Variants in CDCA7 observed in about 807,000 individuals in gnomAD.
The protein encoded by CDCA7 is cell division cycle-associated protein 7.
Under a neutral mutation model 54.0 loss-of-function variants are expected in CDCA7, and 28 were observed. The observed-to-expected ratio is 0.52, with a 90% CI of 0.38 to 0.71. The LOEUF (loss-of-function observed/expected upper bound fraction) is 0.71. CDCA7 is among the 30% of genes least tolerant of loss of function. The probability of loss-of-function intolerance (pLI) is 0.00; values close to 1 mark genes in which losing one functional copy is unlikely to be tolerated. For synonymous variants in CDCA7, 180 were observed against 208.2 expected (o/e 0.86, Z 1.16); for missense variants, 484 against 586.0 (o/e 0.83, Z 1.80).
chr2:173,363,570 A>G, intron 4 of CDCA7, 108 bp downstream of exon 4: 2 of 1,174,220 alleles, frequency 1.7e-6, no homozygotes, highest in Non-Finnish European at 2.4e-6. Flanking sequence ...ATGAATAAAA[A>G]GTTATTTTTG....
chr2:173,364,209 C>A (rs1032958385), intron 5 of CDCA7: 2 of 241,162 alleles, frequency 8.3e-6, no homozygotes, highest in Non-Finnish European at 1.6e-5. Context: ...TGAGCACATT[C>A]CTCCTACATG....
intron 1 of CDCA7, among the ~76,000 whole-genome samples, chr2:173,355,302 G>T (rs1686475471): frequency 6.6e-6 from 1 of 152,220 alleles, no homozygotes; most frequent in African/African-American, 2.4e-5. Flanking sequence ...GCGCTGGCCG[G>T]TCCCGATTTT....
chr2:173,365,580 T>C lies in CDCA7; in HGVS notation c.1023T>C (p.Tyr341=), dbSNP rs893991386. The change falls in exon 7 of 10, where the codon TAT becomes TAC. Residue 341 remains tyrosine, a synonymous_variant. Transcript: ENST00000306721. ...GCAGCAATTCTCGAGAGAAGATATA[T>C]AACCGTTCACTGGTGAGAGCCTCTA... is the stretch of plus-strand genomic sequence containing the variant. ...NVCSNSREKI[Y]NRSLGSTCHQ... 1.2e-6 allele frequency: 2 copies of C among 1,613,920 alleles called. No homozygotes were observed. The highest frequency in any genetic ancestry group is 2.2e-5 in the East Asian group (1 of 44,884).
intron 1 of CDCA7, 122 bp downstream of exon 1, chr2:173,355,106 G>C: frequency 8.9e-7 from 1 of 1,125,424 alleles, no homozygotes. Context: ...CTGCCTAGGC[G>C]TTGCCCGCTT....
rs773884301 is a variant in CDCA7, at chr2:173,363,432, G to A, written c.591G>A (p.Arg197=). 44 of 1,613,946 alleles carry A rather than the reference G, an allele frequency of 2.7e-5. No individual in the cohort carries two copies. The East Asian group carries it at 9.6e-4, about 35-fold the overall frequency. The change falls in exon 4 of 10, where the codon AGG becomes AGA. Residue 197 remains arginine (R), a synonymous_variant. Transcript: ENST00000306721. The part of the protein sequence containing the change: ...DESGMNFLEK[R]ALNIKQNKAM... ...GTGGAATGAATTTTTTGGAGAAAAG[G>A]GCTTTAAATATAAAGCAAAACAAAG...
chr2:173,361,907 C>G (rs1431390916), intron 3 of CDCA7, among the ~76,000 whole-genome samples: 1 of 152,150 alleles, frequency 6.6e-6, no homozygotes, highest in Non-Finnish European at 1.5e-5. Flanking sequence ...ACCTCCGCTT[C>G]CTGGGTTCAA....
chr2:173,365,688 A>G (rs934125196), intron 7 of CDCA7, 96 bp downstream of exon 7: 5 of 1,363,152 alleles, frequency 3.7e-6, no homozygotes, highest in South Asian at 1.5e-5. Flanking sequence ...AGGGCCTAGC[A>G]TGTGAAATCT....
At chr2:173,363,124 A>G (rs1210137939) in intron 3 of CDCA7, 102 bp from the exon 4 acceptor site, 1 of 1,127,908 alleles carries the variant, frequency 8.9e-7, no homozygotes, top group Admixed American at 1.9e-5. Flanking sequence ...TGTTCAGTTA[A>G]AATTCATTTC....
At chr2:173,361,779 A>G (rs62175710) in intron 3 of CDCA7, among the ~76,000 whole-genome samples, 9,260 of 151,530 alleles carry the variant, frequency 0.061, 325 homozygotes, top group East Asian at 0.12. Context: ...TCTACTATGA[A>G]GTGGTGTCTC....
chr2:173,367,569 G>A, intron 9 of CDCA7, 65 bp from the exon 10 acceptor site: 1 of 1,576,554 alleles, frequency 6.3e-7, no homozygotes, highest in Admixed American at 1.7e-5. Context: ...AATGAATTAG[G>A]CTTTCAAAAG....
chr2:173,355,001 C>A lies in CDCA7; in HGVS notation c.21+17C>A. The stretch of plus-strand genomic sequence containing the variant: ...CGCGTGCCGGTGAGGGCTGGGCGGG[C>A]GAACCCGAGGGGCGGGCGCGGTGGG... On this transcript the variant is annotated intron_variant, in intron 1 of 9. Transcript: ENST00000306721. The A allele has an allele frequency of 7.2e-7, 1 of 1,382,762 alleles. No homozygotes were observed. The allele number at this position is 1,382,762 out of a possible 1,614,324, so 85.7% of individuals were successfully genotyped here.
chr2:173,363,491 A>T (rs755370394), intron 4 of CDCA7, 29 bp downstream of exon 4: 1 of 1,589,786 alleles, frequency 6.3e-7, no homozygotes. Context: ...GTTAGAATTA[A>T]TTTTTCCTCT....
At chr2:173,358,151 G>C (rs1025763846) in intron 1 of CDCA7, among the ~76,000 whole-genome samples, 4 of 146,498 alleles carry the variant, frequency 2.7e-5, no homozygotes, top group African/African-American at 7.6e-5. Flanking sequence ...AGTGAGCCGA[G>C]ATCGCGCCAC....
rs922664925 is a variant in CDCA7, at chr2:173,365,676, A to G, written c.1035+84A>G. On this transcript the variant is annotated intron_variant, in intron 7 of 9. Coordinates refer to ENST00000306721, the MANE Select transcript of CDCA7 (RefSeq NM_031942.5). ...TGTCCCTAAGCGTTGCCCAGGTTCT[A>G]AAGGGCCTAGCATGTGAAATCTGTA... is the stretch of plus-strand genomic sequence containing the variant. The G allele has an allele frequency of 4.1e-6, 6 of 1,466,152 alleles. No individual in the cohort carries two copies. The African/African-American group carries it at 7.1e-5, about 17-fold the overall frequency. 90.8% of individuals were successfully genotyped at this position (1,466,152 alleles called of 1,614,324 possible). A position where few individuals can be genotyped will look rare whatever the true frequency, so the allele number is the denominator to read the frequency against.
chr2:173,365,599 G>A lies in CDCA7; in HGVS notation c.1035+7G>A. On this transcript the variant is annotated splice_region_variant and intron_variant, in intron 7 of 9. Coordinates refer to ENST00000306721, the MANE Select transcript of CDCA7 (RefSeq NM_031942.5). ...GATATATAACCGTTCACTGGTGAGAGCCTCTAAATTACACCTGAGAATGTA... is the reference window on the plus strand; with the variant it reads ...GATATATAACCGTTCACTGGTGAGAACCTCTAAATTACACCTGAGAATGTA... 6.2e-7 allele frequency: 1 copy of A among 1,613,344 alleles called. No homozygotes were observed. Among genetic ancestry groups the A allele is most frequent in the Non-Finnish European group, 8.5e-7 (1 of 1,179,720 alleles).
chr2:173,368,155 A>G lies in CDCA7; in HGVS notation c.*491A>G, dbSNP rs1686757424. ...AAATTTTTAATAGAATCAAGGCACA[A>G]AAGTCTTAAAACCATGTGGAAAAAT... On this transcript the variant is annotated 3_prime_UTR_variant, in exon 10 of 10. Transcript: ENST00000306721. 6.4e-6 allele frequency: 1 copy of G among 156,998 alleles called. No homozygotes were observed. The highest frequency in any genetic ancestry group is 1.9e-4 in the South Asian group (1 of 5,130). The allele number at this position is 156,998 out of a possible 1,614,324, so 9.7% of individuals were successfully genotyped here. A position where few individuals can be genotyped will look rare whatever the true frequency, so the allele number is the denominator to read the frequency against.
At position 173,364,824 on chromosome 2, in the gene CDCA7, C is replaced by G; in HGVS notation, c.729C>G (p.Phe243Leu). 1 of 1,610,722 alleles carries G rather than the reference C, an allele frequency of 6.2e-7. No individual in the cohort carries two copies. Among genetic ancestry groups the G allele is most frequent in the Admixed American group, 1.7e-5 (1 of 59,356 alleles). Reference protein sequence around the residue: ...SQSRRPRRRTFPGVASRRNPE... With the variant: ...SQSRRPRRRTLPGVASRRNPE... ...CAAGGAGACCGCGAAGGCGTACATTCCCGGGTGTTGCTTCCAGGAGAAACC... is the reference window on the plus strand; with the variant it reads ...CAAGGAGACCGCGAAGGCGTACATTGCCGGGTGTTGCTTCCAGGAGAAACC... Residue 243 changes from phenylalanine to leucine, a missense_variant, in exon 6 of 10, where the codon TTC becomes TTG. Around this residue, in one of 3 missense-constraint regions of CDCA7, gnomAD observed 398 missense variants for 447.4 expected, o/e 0.89. Transcript: ENST00000306721.
Position 173,363,232 on chromosome 2 carries a change from C to A in CDCA7, c.391C>A (p.Gln131Lys), listed in dbSNP as rs757886905. Residue 131 changes from glutamine (Q) to lysine (K), a missense_variant, in exon 4 of 10, where the codon CAG (glutamine) becomes AAG (lysine). This residue lies in a region of CDCA7 where 398 missense variants were observed against 447.4 expected (regional missense o/e 0.89). Coordinates refer to ENST00000306721, the MANE Select transcript of CDCA7 (RefSeq NM_031942.5). ...ACTCAATTGTTGTGATTAGAGGCTG[C>A]AGTCAGTTCGGGAAGGCTGTAGGAC... ...ESEIQDGMRL[Q>K]SVREGCRTRS... is the part of the protein sequence containing the mutation. The A allele has an allele frequency of 6.2e-7, 1 of 1,614,064 alleles. No homozygotes were observed. The highest frequency in any genetic ancestry group is 8.5e-7 in the Non-Finnish European group (1 of 1,179,974).
At position 173,367,185 on chromosome 2, in the gene CDCA7, C is replaced by T. The variant is rs1244920282; in HGVS notation, c.1221C>T (p.Asn407=). Residue 407 remains asparagine (N), a synonymous_variant, in exon 9 of 10, where the codon AAC becomes AAT. Transcript: ENST00000306721. ...WHCPPCRGIC[N]CSFCRQRDGR... is the part of the protein sequence containing the mutation. The stretch of plus-strand genomic sequence containing the variant: ...GCCCGCCTTGTCGAGGAATCTGCAA[C>T]TGCAGTTTCTGCCGGCAGCGAGATG... 1 of 1,605,118 alleles carries T rather than the reference C, an allele frequency of 6.2e-7. No homozygotes were observed. Among genetic ancestry groups the T allele is most frequent in the East Asian group, 2.2e-5 (1 of 44,806 alleles).
Sources: allele counts gnomAD v4.1 joint callset (sites outside exome capture counted in the v4.1 genomes callset), GRCh38; gene constraint gnomAD v4.1.1; regional missense constraint gnomAD v4.1.1; transcripts MANE v1.5; gene names NCBI Gene and HGNC (gene_info 2026-07-23, HGNC 2026-07-21).